DSCAM: variants seen among roughly 807,000 people sequenced by gnomAD.
DSCAM encodes DS cell adhesion molecule, also known as cell adhesion molecule DSCAM.
Under a neutral mutation model 217.7 loss-of-function variants are expected in DSCAM, and 47 were observed. The observed-to-expected ratio is 0.22, with a 90% CI of 0.17 to 0.28. The LOEUF (loss-of-function observed/expected upper bound fraction) is 0.28, where lower values mean the gene tolerates loss of function less well. DSCAM is among the 10% of genes least tolerant of loss of function. The pLI is 1.00. For synonymous variants in DSCAM, 1,056 were observed against 1,015.3 expected, an observed-to-expected ratio of 1.04 and a Z score of -0.76; for missense variants, 2,080 against 2,618.3, an observed-to-expected ratio of 0.79 and a Z score of 4.49.
At chr21:40,148,754 G>C (rs1207674015) in intron 16 of DSCAM, among the ~76,000 whole-genome samples, 2 of 151,718 alleles carry the variant, frequency 1.3e-5, no homozygotes, top group Non-Finnish European at 2.9e-5. Flanking sequence ...ATCACCACCA[G>C]CTTCATCTCT....
At chr21:40,522,452 T>C (rs1245662956) in intron 3 of DSCAM, among the ~76,000 whole-genome samples, 1 of 152,218 alleles carries the variant, frequency 6.6e-6, no homozygotes, top group African/African-American at 2.4e-5. Flanking sequence ...AAGAATGCAA[T>C]GTATTTTTAA....
intron 11 of DSCAM, among the ~76,000 whole-genome samples, chr21:40,252,842 C>G (rs920707716): frequency 6.6e-6 from 1 of 152,052 alleles, no homozygotes; most frequent in African/African-American, 2.4e-5. Context: ...ACGTATAAAA[C>G]AAAATTGGGG....
intron 1 of DSCAM, among the ~76,000 whole-genome samples, chr21:40,832,258 G>A (rs1254669611): frequency 2.0e-5 from 3 of 152,126 alleles, no homozygotes; most frequent in Non-Finnish European, 4.4e-5. Flanking sequence ...ATAAATTCAA[G>A]CTATTGTTTT....
intron 8 of DSCAM, among the ~76,000 whole-genome samples, chr21:40,334,737 T>A (rs539677401): frequency 6.6e-6 from 1 of 152,020 alleles, no homozygotes; most frequent in East Asian, 1.9e-4. Context: ...AACCTCAAAC[T>A]ACTAGACTGG....
chr21:40,387,533 C>T (rs546124417), intron 3 of DSCAM, among the ~76,000 whole-genome samples: 2 of 152,280 alleles, frequency 1.3e-5, no homozygotes, highest in Non-Finnish European at 2.9e-5. Context: ...ATAGTGACTT[C>T]GCTTCTAAGG....
intron 8 of DSCAM, among the ~76,000 whole-genome samples, chr21:40,322,321 G>A (rs964658352): frequency 5.3e-5 from 8 of 152,216 alleles, no homozygotes; most frequent in East Asian, 3.9e-4. Flanking sequence ...AACAGCAGAC[G>A]CACAAGTATT....
At chr21:40,650,657 T>C (rs991973564) in intron 3 of DSCAM, among the ~76,000 whole-genome samples, 1 of 152,222 alleles carries the variant, frequency 6.6e-6, no homozygotes, top group Admixed American at 6.5e-5. Context: ...GGCTCACGCC[T>C]GTAATCCCAG....
At chr21:40,558,213 G>A (rs1601742959) in intron 3 of DSCAM, among the ~76,000 whole-genome samples, 1 of 152,070 alleles carries the variant, frequency 6.6e-6, no homozygotes, top group South Asian at 2.1e-4. Context: ...TCTAGAGGCC[G>A]AGATGGGCAG....
rs146683906 is a variant in DSCAM, at chr21:40,695,527, A to G, written c.362-2571T>C. ...TCCCAAGAAGCCCAGATCTTCTCAA[A>G]GCAGGGACAGCACTGTGGTGATCTG... On this transcript the variant is annotated intron_variant, in intron 2 of 32. Transcript: ENST00000400454. Among the ~76,000 whole-genome samples, 563 of 152,296 alleles carry G rather than the reference A, an allele frequency of 3.7e-3. 2 individuals are homozygous for G. Among genetic ancestry groups the G allele is most frequent in the Non-Finnish European group, 6.7e-3 (453 of 68,024 alleles).
chr21:40,469,480 TG>T lies in DSCAM; in HGVS notation c.509-100236del, dbSNP rs538716001. On this transcript the variant is annotated intron_variant, in intron 3 of 32. Coordinates refer to ENST00000400454, the MANE Select transcript of DSCAM (RefSeq NM_001389.5). ...GAAAAACAAAATAGAATAAATTCCC[TG>T]ACAAAGTTGAACATGTGGAAAATCA... Among the ~76,000 whole-genome samples the T allele has an allele frequency of 1.2e-4, 18 of 152,274 alleles. No individual in the cohort carries two copies. The East Asian group carries it at 3.3e-3, about 28-fold the overall frequency.
intron 3 of DSCAM, among the ~76,000 whole-genome samples, chr21:40,402,046 TTCC>T (rs1482162922): frequency 6.7e-5 from 9 of 135,078 alleles, no homozygotes; most frequent in African/African-American, 1.9e-4. Context: ...ATTATTCTTA[TTCC>T]TTTTTTTTTT....
At chr21:40,261,367 G>C (rs553519733) in intron 11 of DSCAM, among the ~76,000 whole-genome samples, 1 of 152,282 alleles carries the variant, frequency 6.6e-6, no homozygotes, top group African/African-American at 2.4e-5. Flanking sequence ...TTGGTAGGCT[G>C]AGTCAAACAG....
intron 1 of DSCAM, among the ~76,000 whole-genome samples, chr21:40,737,737 C>T (rs1383025265): frequency 2.0e-5 from 3 of 152,150 alleles, no homozygotes; most frequent in Non-Finnish European, 4.4e-5. Flanking sequence ...ACACAATCTC[C>T]GCAGGCAGAA....
At chr21:40,830,908 A>C (rs188945464) in intron 1 of DSCAM, among the ~76,000 whole-genome samples, 1 of 152,226 alleles carries the variant, frequency 6.6e-6, no homozygotes, top group Admixed American at 6.5e-5. Context: ...AATATCTTTA[A>C]ATTTCTCTGT....
Position 40,402,049 on chromosome 21 carries a change from C to CTTTTT in DSCAM, c.509-32809_509-32805dup, listed in dbSNP as rs71186933. 7.6e-4 allele frequency among the ~76,000 whole-genome samples: 44 copies of CTTTTT among 58,260 alleles called. 5 individuals carry two copies. Among genetic ancestry groups the CTTTTT allele is most frequent in the South Asian group, 1.0e-3 (1 of 968 alleles). 38.2% of individuals were successfully genotyped at this position (58,260 alleles called of 152,430 possible). ...AAATTTATTCTTATTATTCTTATTC[C>CTTTTT]TTTTTTTTTTTTTTTTTTTTTTTTT... is the stretch of plus-strand genomic sequence containing the variant. On this transcript the variant is annotated intron_variant, in intron 3 of 32. Coordinates refer to ENST00000400454, the MANE Select transcript of DSCAM (RefSeq NM_001389.5).
At position 40,445,549 on chromosome 21, in the gene DSCAM, A is replaced by T. The variant is rs150973459; in HGVS notation, c.509-76304T>A. ...GTGTTATCATTAGTCAGCTAATTTCATATGCCTCCCTTGCCCATCATCACT... is the reference window on the plus strand; with the variant it reads ...GTGTTATCATTAGTCAGCTAATTTCTTATGCCTCCCTTGCCCATCATCACT... On this transcript the variant is annotated intron_variant, in intron 3 of 32. Transcript: ENST00000400454. 3.8e-3 allele frequency among the ~76,000 whole-genome samples: 586 copies of T among 152,312 alleles called. 4 individuals are homozygous for T. Among genetic ancestry groups the T allele is most frequent in the African/African-American group, 0.013 (534 of 41,568 alleles).
intron 1 of DSCAM, among the ~76,000 whole-genome samples, chr21:40,720,261 A>G (rs958630957): frequency 1.3e-5 from 2 of 152,208 alleles, no homozygotes; most frequent in Non-Finnish European, 2.9e-5. Flanking sequence ...AATGAAAGGG[A>G]ATATAACTTA....
chr21:40,184,558 T>C (rs916088738), intron 14 of DSCAM, among the ~76,000 whole-genome samples: 1 of 152,162 alleles, frequency 6.6e-6, no homozygotes, highest in East Asian at 1.9e-4. Context: ...GAAAAGAGTA[T>C]CCCTCAATCC....
At chr21:40,050,090 C>A (rs2088904269) in intron 30 of DSCAM, among the ~76,000 whole-genome samples, 1 of 152,178 alleles carries the variant, frequency 6.6e-6, no homozygotes, top group African/African-American at 2.4e-5. Flanking sequence ...GGCAGTGTTT[C>A]TCAATGTGGG....
Sources: allele counts gnomAD v4.1 joint callset (sites outside exome capture counted in the v4.1 genomes callset), GRCh38; gene constraint gnomAD v4.1.1; transcripts MANE v1.5; gene names NCBI Gene and HGNC (gene_info 2026-07-23, HGNC 2026-07-21).